Variants in DNAJB14 observed in about 807,000 individuals in gnomAD.
The protein encoded by DNAJB14 is dnaJ homolog subfamily B member 14.
Under a neutral mutation model 48.4 loss-of-function variants are expected in DNAJB14, and 22 were observed. The observed-to-expected ratio is 0.45, with a 90% CI of 0.32 to 0.65. DNAJB14 has a LOEUF of 0.65. Among genes scored for constraint, DNAJB14 ranks in the 30% least tolerant of loss-of-function variants. DNAJB14 has a pLI of 0.03. For missense variants in DNAJB14, 319 were observed against 458.8 expected, an observed-to-expected ratio of 0.70 and a Z score of 2.78; for synonymous variants, 142 against 158.7, an observed-to-expected ratio of 0.89 and a Z score of 0.79.
In DNAJB14 at chr4:99,915,388, C is replaced by T. The variant is rs113752434; in HGVS notation, c.452-6492G>A. Among the ~76,000 whole-genome samples the T allele has an allele frequency of 4.6e-5, 7 of 152,262 alleles. 1 individual carries two copies. Among genetic ancestry groups the T allele is most frequent in the African/African-American group, 7.2e-5 (3 of 41,562 alleles). ...TCCTGACCTTGCGATCCACCCACCTCGGCCTCCCAAAGTGCTGGGATCACA... is the reference window on the plus strand; with the variant it reads ...TCCTGACCTTGCGATCCACCCACCTTGGCCTCCCAAAGTGCTGGGATCACA... On this transcript the variant is annotated intron_variant, in intron 3 of 7. Transcript: ENST00000442697.
At chr4:99,939,286 C>T (rs777475431) in intron 1 of DNAJB14, among the ~76,000 whole-genome samples, 3 of 152,156 alleles carry the variant, frequency 2.0e-5, no homozygotes, top group African/African-American at 4.8e-5. Context: ...TGCTTGAACC[C>T]GGGAGATGGA....
Position 99,903,741 on chromosome 4 carries a change from T to C in DNAJB14, c.1000A>G (p.Lys334Glu). ...YVTNIRNNCW[K>E]ERQQKTDMQY... ...ACAAACTTACTTTGTTGTCTTTCTTTCCAGCAGTTATTTCGAATATTAGTC... is the reference window on the plus strand; with the variant it reads ...ACAAACTTACTTTGTTGTCTTTCTTCCCAGCAGTTATTTCGAATATTAGTC... The change falls in exon 7 of 8, where the codon AAA becomes GAA. Residue 334 changes from lysine (K) to glutamate (E), a missense_variant. Transcript: ENST00000442697. The C allele has an allele frequency of 6.2e-7, 1 of 1,608,208 alleles. No homozygotes were observed.
intron 7 of DNAJB14, among the ~76,000 whole-genome samples, chr4:99,902,630 T>C (rs1045935588): frequency 6.6e-6 from 1 of 152,170 alleles, no homozygotes; most frequent in African/African-American, 2.4e-5. Flanking sequence ...ATGATGATAA[T>C]TGCTGACATT....
chr4:99,931,457 A>G (rs1386366632), intron 1 of DNAJB14, among the ~76,000 whole-genome samples: 2 of 152,102 alleles, frequency 1.3e-5, no homozygotes, highest in Non-Finnish European at 2.9e-5. Context: ...AACTTTCCAT[A>G]ATAAAAGTTA....
At chr4:99,916,229 C>A (rs994418069) in intron 3 of DNAJB14, among the ~76,000 whole-genome samples, 1 of 152,142 alleles carries the variant, frequency 6.6e-6, no homozygotes, top group South Asian at 2.1e-4. Flanking sequence ...GCCTCAACCC[C>A]CCAGGCTCAA....
In DNAJB14 at chr4:99,898,754, A is replaced by C. The variant is rs1034099476; in HGVS notation, c.*2274T>G. On this transcript the variant is annotated 3_prime_UTR_variant, in exon 8 of 8. Transcript: ENST00000442697. ...GAAATTGCGAAGTTCATGTAGCTAA[A>C]CATAAGATGGCAAAATGTTGGGATT... 2.6e-5 allele frequency: 4 copies of C among 151,946 alleles called. No individual in the cohort carries two copies. The highest frequency in any genetic ancestry group is 4.4e-5 in the Non-Finnish European group (3 of 67,812). 9.4% of individuals were successfully genotyped at this position (151,946 alleles called of 1,614,324 possible).
At chr4:99,936,408 A>G (rs1172357578) in intron 1 of DNAJB14, among the ~76,000 whole-genome samples, 1 of 152,174 alleles carries the variant, frequency 6.6e-6, no homozygotes, top group East Asian at 1.9e-4. Flanking sequence ...TATTGACCAA[A>G]TTACTATAAA....
chr4:99,898,487 G>A lies in DNAJB14; in HGVS notation c.*2541C>T, dbSNP rs2110188033. 6.6e-6 allele frequency: 1 copy of A among 151,954 alleles called. No homozygotes were observed. The highest frequency in any genetic ancestry group is 1.9e-4 in the East Asian group (1 of 5,180). 9.4% of individuals were successfully genotyped at this position (151,954 alleles called of 1,614,324 possible). On this transcript the variant is annotated 3_prime_UTR_variant, in exon 8 of 8. Transcript: ENST00000442697. ...TAAATGACTAGCACCAGTCTATTTG[G>A]GAACTAAGGAATCAAAAGAAGAGGA...
intron 1 of DNAJB14, among the ~76,000 whole-genome samples, chr4:99,939,847 T>C (rs1209100792): frequency 1.3e-5 from 2 of 152,374 alleles, no homozygotes; most frequent in Middle Eastern, 3.4e-3. Flanking sequence ...ATTGGATCTT[T>C]TGGATTTATT....
chr4:99,931,140 T>C (rs1300010766), intron 1 of DNAJB14, among the ~76,000 whole-genome samples: 5 of 152,130 alleles, frequency 3.3e-5, no homozygotes, highest in African/African-American at 7.2e-5. Context: ...ACTAAAAGAT[T>C]TTCACTAGAG....
rs1253594697 is a variant in DNAJB14, at chr4:99,946,547, C to T, written c.25G>A (p.Glu9Lys). The change falls in exon 1 of 8, where the codon GAG becomes AAG. Residue 9 changes from glutamate (E) to lysine (K), a missense_variant. Physicochemically the swap from Glu to Lys is moderately conservative, Grantham distance 56. Transcript: ENST00000442697. ...TCCCGGGCGATCTCGACACATTTCTCAGCCTCATCCCTGTTCCCCTCCATA... is the reference window on the plus strand; with the variant it reads ...TCCCGGGCGATCTCGACACATTTCTTAGCCTCATCCCTGTTCCCCTCCATA... MEGNRDEA[E>K]KCVEIAREAL... is the part of the protein sequence containing the mutation. 2 of 1,613,846 alleles carry T rather than the reference C, an allele frequency of 1.2e-6. No homozygotes were observed. Among genetic ancestry groups the T allele is most frequent in the Non-Finnish European group, 8.5e-7 (1 of 1,179,798 alleles).
chr4:99,924,982 G>C, intron 2 of DNAJB14: 1 of 600,674 alleles, frequency 1.7e-6, no homozygotes, highest in Non-Finnish European at 2.9e-6. Flanking sequence ...CTGTAGAAAT[G>C]TTACTATTTG....
intron 3 of DNAJB14, among the ~76,000 whole-genome samples, chr4:99,919,053 G>A (rs759712472): frequency 5.3e-5 from 8 of 152,154 alleles, no homozygotes; most frequent in African/African-American, 9.7e-5. Context: ...CAGCACAGAG[G>A]GGGTGGTAGT....
At chr4:99,918,220 C>T (rs1725926737) in intron 3 of DNAJB14, among the ~76,000 whole-genome samples, 1 of 152,104 alleles carries the variant, frequency 6.6e-6, no homozygotes, top group African/African-American at 2.4e-5. Flanking sequence ...TTCTAGCTCA[C>T]CAATTATTTC....
At chr4:99,943,285 T>C (rs1395467978) in intron 1 of DNAJB14, among the ~76,000 whole-genome samples, 1 of 152,214 alleles carries the variant, frequency 6.6e-6, no homozygotes, top group African/African-American at 2.4e-5. Context: ...ATCACTTTAT[T>C]TGGTAATCAC....
chr4:99,921,064 C>T lies in DNAJB14; in HGVS notation c.451+1976G>A, dbSNP rs551804127. Among the ~76,000 whole-genome samples the T allele has an allele frequency of 2.0e-5, 3 of 152,218 alleles. No individual in the cohort carries two copies. In the South Asian group the frequency reaches 6.2e-4, roughly 32 times the overall value. ...AACCTGCCATTTCTGTGTGATGATG[C>T]CATCTGTAATATTTTCTAATTAACT... On this transcript the variant is annotated intron_variant, in intron 3 of 7. Transcript: ENST00000442697.
intron 1 of DNAJB14, among the ~76,000 whole-genome samples, chr4:99,938,589 G>A (rs1024767004): frequency 1.3e-5 from 2 of 152,038 alleles, no homozygotes; most frequent in Admixed American, 6.6e-5. Context: ...AAGAGAAAGA[G>A]AGAAGGGTAG....
At chr4:99,933,700 T>C (rs1326163004) in intron 1 of DNAJB14, among the ~76,000 whole-genome samples, 6 of 152,218 alleles carry the variant, frequency 3.9e-5, no homozygotes, top group Non-Finnish European at 7.3e-5. Context: ...TAAAAACTTT[T>C]GTGGGAATTC....
At chr4:99,946,362 G>A in intron 1 of DNAJB14, 77 bp downstream of exon 1, 2 of 1,543,432 alleles carry the variant, frequency 1.3e-6, no homozygotes, top group South Asian at 2.4e-5. Context: ...CTCCAGGAGG[G>A]GCCGAGGTGG....
Sources: gnomAD v4.1 joint callset for allele counts (sites outside exome capture counted in the v4.1 genomes callset) on GRCh38, gnomAD v4.1.1 for gene constraint, MANE v1.5 for transcripts, NCBI Gene and HGNC (gene_info 2026-07-23, HGNC 2026-07-21) for gene names.